The following TNFRSF19 variants were observed in gnomAD, a reference collection of about 807,000 sequenced individuals.
TNFRSF19 encodes TNF receptor superfamily member 19.
In TNFRSF19, 27 loss-of-function variants were observed where a neutral mutation model predicts 46.4. That is an observed-to-expected ratio of 0.58 (90% confidence interval 0.43 to 0.80). The LOEUF is 0.80. TNFRSF19 is among the 30% of genes least tolerant of loss of function. The probability of loss-of-function intolerance (pLI) is 0.00; values close to 1 mark genes in which losing one functional copy is unlikely to be tolerated. For missense variants in TNFRSF19, 511 were observed against 530.8 expected (o/e 0.96, Z 0.37); for synonymous variants, 204 against 205.0 (o/e 1.00, Z 0.04).
At chr13:23,619,870 C>T (rs537083867) in intron 4 of TNFRSF19, among the ~76,000 whole-genome samples, 8 of 152,270 alleles carry the variant, frequency 5.3e-5, no homozygotes, top group Admixed American at 2.0e-4. Context: ...GCTGTGCTGC[C>T]GGAGTAGGGG....
intron 9 of TNFRSF19, among the ~76,000 whole-genome samples, chr13:23,670,535 G>A (rs1433052245): frequency 6.6e-6 from 1 of 152,186 alleles, no homozygotes; most frequent in East Asian, 1.9e-4. Flanking sequence ...AGGAAAGGCT[G>A]TTCACTGATC....
intron 9 of TNFRSF19, among the ~76,000 whole-genome samples, chr13:23,672,766 T>A (rs1209153735): frequency 6.6e-6 from 1 of 152,226 alleles, no homozygotes; most frequent in African/African-American, 2.4e-5. Context: ...TTGACGTCAG[T>A]GCCCTTTGTG....
Position 23,659,297 on chromosome 13 carries a change from C to A in TNFRSF19, c.610+83C>A. On this transcript the variant is annotated intron_variant, in intron 6 of 9. Coordinates refer to ENST00000248484, the MANE Select transcript of TNFRSF19 (RefSeq NM_148957.4). This position sits in a 1 kb window ranked among gnomAD's most constrained non-coding sequence, Gnocchi z 4.9. Reference sequence around the variant, plus strand: ...TGTCGTGCAAGTGTTCCACAAGAGACTTGGCTGAGACAAGCACCAGTGAGT... The same window carrying A: ...TGTCGTGCAAGTGTTCCACAAGAGAATTGGCTGAGACAAGCACCAGTGAGT... 6.9e-7 allele frequency: 1 copy of A among 1,457,896 alleles called. No individual in the cohort carries two copies. The highest frequency in any genetic ancestry group is 9.3e-7 in the Non-Finnish European group (1 of 1,075,706). 90.3% of individuals were successfully genotyped at this position (1,457,896 alleles called of 1,614,324 possible).
intron 3 of TNFRSF19, among the ~76,000 whole-genome samples, chr13:23,605,457 A>C (rs36103054): frequency 0.35 from 52,967 of 152,064 alleles, 9,739 homozygotes; most frequent in East Asian, 0.55. Context: ...CAATTGAGCT[A>C]CTTAGTATTT....
At chr13:23,639,315 C>T (rs1238504148) in intron 5 of TNFRSF19, among the ~76,000 whole-genome samples, 2 of 152,170 alleles carry the variant, frequency 1.3e-5, no homozygotes. Context: ...ATCATTTGAA[C>T]CCGGGAGGCA....
At chr13:23,662,831 G>T (rs980613583) in intron 7 of TNFRSF19, among the ~76,000 whole-genome samples, 1 of 152,194 alleles carries the variant, frequency 6.6e-6, no homozygotes. Context: ...CGTTGTTGGT[G>T]TAGAAGAATA....
chr13:23,613,957 A>C (rs1227815824), intron 3 of TNFRSF19, among the ~76,000 whole-genome samples: 1 of 152,148 alleles, frequency 6.6e-6, no homozygotes, highest in Non-Finnish European at 1.5e-5. Flanking sequence ...TTTTGCAAAA[A>C]TTACATTTTG....
chr13:23,629,048 T>G (rs1282961791), intron 5 of TNFRSF19, among the ~76,000 whole-genome samples: 1 of 151,712 alleles, frequency 6.6e-6, no homozygotes, highest in Non-Finnish European at 1.5e-5. Flanking sequence ...GGGAAAATTT[T>G]GTAAGGCGCC....
chr13:23,662,529 T>A (rs1278184429), intron 7 of TNFRSF19, among the ~76,000 whole-genome samples: 1 of 152,232 alleles, frequency 6.6e-6, no homozygotes, highest in East Asian at 1.9e-4. Flanking sequence ...TGGTTCCATA[T>A]GAATTTTAAA....
At chr13:23,597,237 AC>A (rs1339754985) in intron 3 of TNFRSF19, among the ~76,000 whole-genome samples, 1 of 152,202 alleles carries the variant, frequency 6.6e-6, no homozygotes, top group Non-Finnish European at 1.5e-5. Flanking sequence ...ACAGGAAACA[AC>A]TAAGATCAGA....
chr13:23,631,230 G>C (rs1485812142), intron 5 of TNFRSF19, among the ~76,000 whole-genome samples: 2 of 152,018 alleles, frequency 1.3e-5, no homozygotes, highest in African/African-American at 4.8e-5. Context: ...AGTGAGTGGT[G>C]GAAGGGAACC....
chr13:23,598,086 A>G (rs1879869045), intron 3 of TNFRSF19, among the ~76,000 whole-genome samples: 1 of 152,180 alleles, frequency 6.6e-6, no homozygotes, highest in Non-Finnish European at 1.5e-5. Flanking sequence ...GTATTGATTG[A>G]ATGTATCTGG....
chr13:23,591,271 G>A (rs912353292), intron 2 of TNFRSF19, among the ~76,000 whole-genome samples: 3 of 152,084 alleles, frequency 2.0e-5, no homozygotes, highest in African/African-American at 4.8e-5. Flanking sequence ...TGGCCAACAT[G>A]GTGAGACCTC....
chr13:23,611,983 G>A (rs1271786026), intron 3 of TNFRSF19, among the ~76,000 whole-genome samples: 1 of 152,202 alleles, frequency 6.6e-6, no homozygotes, highest in Non-Finnish European at 1.5e-5. Flanking sequence ...ACTCACGCTA[G>A]GAGGATATTT....
At chr13:23,656,652 T>C (rs1244364118) in intron 5 of TNFRSF19, among the ~76,000 whole-genome samples, 2 of 152,190 alleles carry the variant, frequency 1.3e-5, no homozygotes, top group East Asian at 1.9e-4. Context: ...CCCCATATTG[T>C]GTAGGGCTGG....
chr13:23,663,976 T>C (rs1425509605), intron 7 of TNFRSF19, among the ~76,000 whole-genome samples: 1 of 152,122 alleles, frequency 6.6e-6, no homozygotes, highest in African/African-American at 2.4e-5. Flanking sequence ...TTTTGGGTGG[T>C]TTTTCATGTC....
intron 3 of TNFRSF19, among the ~76,000 whole-genome samples, chr13:23,603,153 T>G (rs1195407391): frequency 2.0e-5 from 3 of 152,016 alleles, no homozygotes; most frequent in Non-Finnish European, 4.4e-5. Context: ...ATATCAGTAA[T>G]GAAAGCATGG....
intron 5 of TNFRSF19, among the ~76,000 whole-genome samples, chr13:23,628,451 CTGTCAGGAAGG>C (rs758853871): frequency 6.6e-6 from 1 of 152,196 alleles, no homozygotes; most frequent in Non-Finnish European, 1.5e-5. Context: ...AGCCACCATT[CTGTCAGGAAGG>C]TGAGTTAAAA....
intron 3 of TNFRSF19, among the ~76,000 whole-genome samples, chr13:23,610,506 C>T (rs1880822199): frequency 6.7e-6 from 1 of 148,740 alleles, no homozygotes; most frequent in East Asian, 2.0e-4. Context: ...ACCCAGACAT[C>T]CCCAGCCCAG....
Sources: allele counts gnomAD v4.1 joint callset (sites outside exome capture counted in the v4.1 genomes callset), GRCh38; gene constraint gnomAD v4.1.1; non-coding constraint Gnocchi (gnomAD v3.1); transcripts MANE v1.5; gene names NCBI Gene and HGNC (gene_info 2026-07-23, HGNC 2026-07-21).